The following ADAMTS17 variants were observed in gnomAD, a reference collection of about 807,000 sequenced individuals.
ADAMTS17 encodes the protein A disintegrin and metalloproteinase with thrombospondin motifs 17.
ADAMTS17 carries 113 observed loss-of-function variants against 141.5 expected under a neutral mutation model. The ratio of observed to expected loss-of-function variants is 0.80; its 90% CI spans 0.69 to 0.93. The LOEUF (loss-of-function observed/expected upper bound fraction) is 0.93, where lower values mean the gene tolerates loss of function less well. Among genes scored for constraint, ADAMTS17 ranks in the 40% least tolerant of loss-of-function variants. The pLI, the probability that ADAMTS17 is intolerant of heterozygous loss-of-function variation, is 0.00. For missense variants in ADAMTS17, 1,659 were observed against 1,517.9 expected (o/e 1.09, Z -1.54); for synonymous variants, 768 against 630.6 (o/e 1.22, Z -3.27).
At position 100,133,326 on chromosome 15, in the gene ADAMTS17, A is replaced by G; in HGVS notation, c.1474-11T>C. 1.3e-6 allele frequency: 2 copies of G among 1,570,892 alleles called. No homozygotes were observed. Among genetic ancestry groups the G allele is most frequent in the Non-Finnish European group, 1.7e-6 (2 of 1,155,164 alleles). Reference sequence around the variant, plus strand: ...AGCACACATTAGATGCTGCAGGACAAGGGAAGGAACCATAATTGTGGAGAA... The same window carrying G: ...AGCACACATTAGATGCTGCAGGACAGGGGAAGGAACCATAATTGTGGAGAA... On this transcript the variant is annotated splice_polypyrimidine_tract_variant and intron_variant, in intron 10 of 21. Coordinates refer to ENST00000268070, the MANE Select transcript of ADAMTS17 (RefSeq NM_139057.4).
At chr15:100,193,963 G>A (rs1339737788) in intron 8 of ADAMTS17, among the ~76,000 whole-genome samples, 1 of 152,220 alleles carries the variant, frequency 6.6e-6, no homozygotes, top group African/African-American at 2.4e-5. Flanking sequence ...GTTTGGGCCG[G>A]CTCCCAGGGC....
chr15:100,206,303 T>C (rs964787813), intron 7 of ADAMTS17, among the ~76,000 whole-genome samples: 3 of 152,206 alleles, frequency 2.0e-5, no homozygotes, highest in Non-Finnish European at 2.9e-5. Context: ...CACCGTCACC[T>C]GTGTGCAGGC....
At chr15:100,058,751 G>A (rs577465338) in intron 15 of ADAMTS17, among the ~76,000 whole-genome samples, 4 of 152,328 alleles carry the variant, frequency 2.6e-5, no homozygotes, top group Non-Finnish European at 4.4e-5. Flanking sequence ...CCGGAGCGGG[G>A]TCTTGCTTGT....
At chr15:99,977,002 C>T (rs1467378629) in intron 20 of ADAMTS17, among the ~76,000 whole-genome samples, 1 of 152,116 alleles carries the variant, frequency 6.6e-6, no homozygotes, top group Non-Finnish European at 1.5e-5. Flanking sequence ...ACAGAGGTCT[C>T]CCAAGCACTG....
At chr15:100,175,631 T>G (rs1596190802) in intron 8 of ADAMTS17, among the ~76,000 whole-genome samples, 1 of 152,186 alleles carries the variant, frequency 6.6e-6, no homozygotes, top group Non-Finnish European at 1.5e-5. Flanking sequence ...CTTGGTCATC[T>G]GTACTCTTTC....
intron 3 of ADAMTS17, among the ~76,000 whole-genome samples, chr15:100,328,527 G>A (rs993439349): frequency 2.0e-5 from 3 of 152,150 alleles, no homozygotes; most frequent in Non-Finnish European, 2.9e-5. Flanking sequence ...TTGAGAGCAG[G>A]GAAGGAGAGA....
At position 100,096,492 on chromosome 15, in the gene ADAMTS17, G is replaced by T. The variant is rs752000914; in HGVS notation, c.2017-16C>A. ...AGCCGATTTTCTAAAGAACCAGAGG[G>T]CCTCATTATTCTGTGGTTAAGACTC... On this transcript the variant is annotated splice_polypyrimidine_tract_variant and intron_variant, in intron 14 of 21. Transcript: ENST00000268070. 1.2e-6 allele frequency: 2 copies of T among 1,613,988 alleles called. No individual in the cohort carries two copies. The highest frequency in any genetic ancestry group is 1.1e-5 in the South Asian group (1 of 91,076).
At chr15:100,018,020 T>G (rs1232770273) in intron 18 of ADAMTS17, among the ~76,000 whole-genome samples, 1 of 152,204 alleles carries the variant, frequency 6.6e-6, no homozygotes, top group East Asian at 1.9e-4. Context: ...TCTCTAAAGC[T>G]TTTCATCTTC....
intron 17 of ADAMTS17, among the ~76,000 whole-genome samples, chr15:100,049,591 G>A (rs970539738): frequency 3.9e-5 from 6 of 152,168 alleles, no homozygotes; most frequent in African/African-American, 1.4e-4. Flanking sequence ...CCAAATAGAT[G>A]TAGCCCTTCT....
intron 7 of ADAMTS17, among the ~76,000 whole-genome samples, chr15:100,236,333 G>C (rs2042654782): frequency 6.9e-6 from 1 of 143,946 alleles, no homozygotes; most frequent in Non-Finnish European, 1.5e-5. Context: ...GCCACAATAA[G>C]GCAGGGCTTC....
intron 6 of ADAMTS17, among the ~76,000 whole-genome samples, chr15:100,254,695 G>A (rs1035600516): frequency 2.0e-5 from 3 of 152,158 alleles, no homozygotes; most frequent in Admixed American, 6.5e-5. Context: ...TTCTTTGCAG[G>A]GACATGGATG....
At chr15:100,051,443 G>T in intron 17 of ADAMTS17, 129 bp downstream of exon 17, 1 of 1,335,830 alleles carries the variant, frequency 7.5e-7, no homozygotes, top group Non-Finnish European at 1.1e-6. Context: ...ATTTTCGGTG[G>T]GATATGGTTA....
At chr15:100,049,447 T>G (rs2031970079) in intron 17 of ADAMTS17, among the ~76,000 whole-genome samples, 1 of 152,066 alleles carries the variant, frequency 6.6e-6, no homozygotes. Flanking sequence ...AGATGAGGAG[T>G]CTGGTCTGGA....
At chr15:100,067,578 T>C (rs541225123) in intron 15 of ADAMTS17, among the ~76,000 whole-genome samples, 2 of 152,264 alleles carry the variant, frequency 1.3e-5, no homozygotes, top group African/African-American at 4.8e-5. Flanking sequence ...TTTTTTCTGA[T>C]CTATTTGGTT....
At chr15:100,007,779 G>C (rs1289439296) in intron 18 of ADAMTS17, among the ~76,000 whole-genome samples, 1 of 152,132 alleles carries the variant, frequency 6.6e-6, no homozygotes, top group African/African-American at 2.4e-5. Context: ...GGCAGGTGCA[G>C]TCTGCAGCTT....
intron 15 of ADAMTS17, among the ~76,000 whole-genome samples, chr15:100,054,795 G>C (rs1485577899): frequency 1.3e-5 from 2 of 152,210 alleles, no homozygotes; most frequent in Non-Finnish European, 2.9e-5. Flanking sequence ...ACCAGGGACA[G>C]CCTGTGCCAG....
chr15:100,048,210 C>G (rs4965564), intron 18 of ADAMTS17, among the ~76,000 whole-genome samples: 57,296 of 151,868 alleles, frequency 0.38, 13,019 homozygotes, highest in African/African-American at 0.62. Context: ...CCTCAATTCA[C>G]AGCAGGACGG....
At chr15:100,259,011 T>A (rs1439242373) in intron 6 of ADAMTS17, among the ~76,000 whole-genome samples, 6 of 151,798 alleles carry the variant, frequency 4.0e-5, no homozygotes, top group African/African-American at 1.5e-4. Context: ...CTCCACTCAA[T>A]GAAACAGCAG....
chr15:100,289,795 G>T (rs752139491), intron 3 of ADAMTS17, among the ~76,000 whole-genome samples: 10 of 152,066 alleles, frequency 6.6e-5, no homozygotes, highest in Non-Finnish European at 1.3e-4. Context: ...TGCAGAAAAA[G>T]GCTTGTGATA....
Sources: gnomAD v4.1 joint callset for allele counts (sites outside exome capture counted in the v4.1 genomes callset) on GRCh38, gnomAD v4.1.1 for gene constraint, MANE v1.5 for transcripts, NCBI Gene and HGNC (gene_info 2026-07-23, HGNC 2026-07-21) for gene names.